Variants in LRRC51 observed in about 807,000 individuals in gnomAD.
LRRC51 encodes leucine-rich repeat-containing protein 51.
Under a neutral mutation model 17.8 loss-of-function variants are expected in LRRC51, and 8 were observed. That is an observed-to-expected ratio of 0.45 (90% CI 0.26 to 0.81). The LOEUF is 0.81. Ranked by LOEUF, LRRC51 falls within the 30% of genes least tolerant of loss-of-function variation. The pLI is 0.17. For missense variants in LRRC51, 233 were observed against 239.3 expected (o/e 0.97, Z 0.17); for synonymous variants, 92 against 96.0 (o/e 0.96, Z 0.24).
chr11:72,094,988 AC>A lies in LRRC51; in HGVS notation c.330del (p.His110GlnfsTer11), dbSNP rs2136541413. On this transcript the variant is annotated frameshift_variant, in exon 5 of 6. Coordinates refer to ENST00000289488, the MANE Select transcript of LRRC51 (RefSeq NM_145309.6). LOFTEE classifies it high-confidence loss of function. ...TTCAACCTGAGTGTCCTCTATCTTC[AC>A]GGCAACAGCATCCAGCGCCTGGGGG... is the stretch of plus-strand genomic sequence containing the variant. ...TFFNLSVLYL[H>X]GNSIQRLGEV... The A allele has an allele frequency of 6.2e-7, 1 of 1,613,874 alleles. No homozygotes were observed. Among genetic ancestry groups the A allele is most frequent in the Non-Finnish European group, 8.5e-7 (1 of 1,179,980 alleles).
Position 72,089,126 on chromosome 11 carries a change from C to G in LRRC51, c.43C>G (p.Pro15Ala). ...DYMNTSVQEP[P>A]LDYSFRSIHV... Reference sequence around the variant, plus strand: ...TATGAACACTTCGGTACAGGAGCCCCCTCTTGACTACTCCTTCAGAAGCAT... The same window carrying G: ...TATGAACACTTCGGTACAGGAGCCCGCTCTTGACTACTCCTTCAGAAGCAT... The change falls in exon 3 of 6, where the codon CCT (proline) becomes GCT (alanine). Residue 15 changes from proline to alanine, a missense_variant. Transcript: ENST00000289488. 1 of 1,614,120 alleles carries G rather than the reference C, an allele frequency of 6.2e-7. No individual in the cohort carries two copies. The highest frequency in any genetic ancestry group is 1.1e-5 in the South Asian group (1 of 91,082).
At chr11:72,091,087 C>T (rs181794186) in intron 3 of LRRC51, among the ~76,000 whole-genome samples, 1 of 152,286 alleles carries the variant, frequency 6.6e-6, no homozygotes, top group Non-Finnish European at 1.5e-5. Flanking sequence ...CAACCTGTGG[C>T]AGCCTGGATA....
chr11:72,084,503 A>T (rs527789528), intron 1 of LRRC51, among the ~76,000 whole-genome samples: 6 of 152,332 alleles, frequency 3.9e-5, no homozygotes, highest in East Asian at 1.9e-4. Context: ...TTTGAAAATT[A>T]AAAAATAGGT....
chr11:72,094,386 C>T (rs1945047270), intron 4 of LRRC51: 1 of 363,930 alleles, frequency 2.7e-6, no homozygotes, highest in African/African-American at 2.1e-5. Flanking sequence ...CCCACTGTGA[C>T]CTGTGCTGGG....
chr11:72,088,551 T>A, intron 2 of LRRC51, 171 bp downstream of exon 2: 4 of 628,938 alleles, frequency 6.4e-6, no homozygotes, highest in Non-Finnish European at 1.1e-5. Context: ...AGAGGGGTGG[T>A]GAGACACCAA....
intron 1 of LRRC51, among the ~76,000 whole-genome samples, chr11:72,081,757 C>G (rs1339304093): frequency 6.6e-6 from 1 of 152,186 alleles, no homozygotes; most frequent in African/African-American, 2.4e-5. Flanking sequence ...CCCACACCTT[C>G]TCCGTGGTCC....
rs1327718488 is a variant in LRRC51 at position 72,088,326 on chromosome 11, C to T, written c.-110C>T. ...TATTTCCATTTTAACCGGAAACAATCCCTGAACCCACAGGAATGAATGCCT... is the reference window on the plus strand; with the variant it reads ...TATTTCCATTTTAACCGGAAACAATTCCTGAACCCACAGGAATGAATGCCT... On this transcript the variant is annotated 5_prime_UTR_variant, in exon 2 of 6. Coordinates refer to ENST00000289488, the MANE Select transcript of LRRC51 (RefSeq NM_145309.6). The T allele has an allele frequency of 7.1e-6, 5 of 702,268 alleles. No individual in the cohort carries two copies. Among genetic ancestry groups the T allele is most frequent in the Non-Finnish European group, 2.6e-6 (1 of 384,810 alleles). The allele number at this position is 702,268 out of a possible 1,614,324, so 43.5% of individuals were successfully genotyped here. A position where few individuals can be genotyped will look rare whatever the true frequency, so the allele number is the denominator to read the frequency against.
rs762080699 is a variant in LRRC51, at chr11:72,093,519, A to G, written c.106A>G (p.Thr36Ala). The G allele has an allele frequency of 6.2e-7, 1 of 1,613,852 alleles. No individual in the cohort carries two copies. The highest frequency in any genetic ancestry group is 8.5e-7 in the Non-Finnish European group (1 of 1,179,884). Reference sequence around the variant, plus strand: ...AGATCTGGTAAATGAGGAGCCAAGGACAGGACTACGACCACTGAAGCGTTC... The same window carrying G: ...AGATCTGGTAAATGAGGAGCCAAGGGCAGGACTACGACCACTGAAGCGTTC... ...IQDLVNEEPR[T>A]GLRPLKRSKS... The change falls in exon 4 of 6, where the codon ACA becomes GCA. Residue 36 changes from threonine (T) to alanine (A), a missense_variant. By Grantham distance (58) the Thr-to-Ala change is moderately conservative. Transcript: ENST00000289488.
rs1160472642 is a variant in LRRC51, at chr11:72,093,501, G to A, written c.88G>A (p.Val30Ile). ...GTCTCACTTTGTCCCCACAGATCTG[G>A]TAAATGAGGAGCCAAGGACAGGACT... ...FRSIHVIQDLVNEEPRTGLRP... is the reference protein window; with the variant it reads ...FRSIHVIQDLINEEPRTGLRP... Residue 30 changes from valine to isoleucine, a missense_variant, in exon 4 of 6, where the codon GTA becomes ATA. Val to Ile is a conservative substitution (Grantham distance 29, BLOSUM62 3). Transcript: ENST00000289488. 5.0e-6 allele frequency: 8 copies of A among 1,612,460 alleles called. No homozygotes were observed. Among genetic ancestry groups the A allele is most frequent in the Non-Finnish European group, 6.8e-6 (8 of 1,179,278 alleles).
intron 3 of LRRC51, among the ~76,000 whole-genome samples, chr11:72,090,699 G>A (rs947422535): frequency 2.0e-5 from 3 of 152,152 alleles, no homozygotes; most frequent in African/African-American, 4.8e-5. Flanking sequence ...AATCTGAAAC[G>A]GCAGTGCCTT....
In LRRC51 at chr11:72,089,103, T is replaced by C. The variant is rs746394543; in HGVS notation, c.20T>C (p.Met7Thr). 6.2e-7 allele frequency: 1 copy of C among 1,614,140 alleles called. No individual in the cohort carries two copies. Among genetic ancestry groups the C allele is most frequent in the South Asian group, 1.1e-5 (1 of 91,086 alleles). The change falls in exon 3 of 6, where the codon ATG (methionine) becomes ACG (threonine). Residue 7 changes from methionine (M) to threonine (T), a missense_variant. Coordinates refer to ENST00000289488, the MANE Select transcript of LRRC51 (RefSeq NM_145309.6). MNKRDY[M>T]NTSVQEPPLD... ...TGAACTATGAACAAACGGGACTATA[T>C]GAACACTTCGGTACAGGAGCCCCCT...
chr11:72,091,290 C>G (rs565322567), intron 3 of LRRC51, among the ~76,000 whole-genome samples: 2 of 152,278 alleles, frequency 1.3e-5, no homozygotes, highest in South Asian at 2.1e-4. Context: ...CTGTGTCATT[C>G]TGTTTCAGGG....
At chr11:72,092,186 C>T (rs1015267076) in intron 3 of LRRC51, among the ~76,000 whole-genome samples, 4 of 152,158 alleles carry the variant, frequency 2.6e-5, no homozygotes, top group Non-Finnish European at 4.4e-5. Context: ...GCCTTCTATG[C>T]TAATGATTCT....
intron 3 of LRRC51, 59 bp downstream of exon 3, chr11:72,089,224 A>G: frequency 6.2e-7 from 1 of 1,611,992 alleles, no homozygotes. Flanking sequence ...TGTGGTCCCT[A>G]GGAAGAAACC....
At position 72,095,648 on chromosome 11, in the gene LRRC51, A is replaced by G. The variant is rs1945154774; in HGVS notation, c.*128A>G. The G allele has an allele frequency of 6.5e-7, 1 of 1,541,752 alleles. No homozygotes were observed. The highest frequency in any genetic ancestry group is 1.2e-5 in the South Asian group (1 of 83,194). ...GTAGAGATGTTCTCTAACTCAGGCA[A>G]CTGCAAGTAGCTCTAGCCTTTTCTT... is the stretch of plus-strand genomic sequence containing the variant. On this transcript the variant is annotated 3_prime_UTR_variant, in exon 6 of 6. Coordinates refer to ENST00000289488, the MANE Select transcript of LRRC51 (RefSeq NM_145309.6).
intron 4 of LRRC51, 94 bp from the exon 5 acceptor site, chr11:72,094,854 C>T: frequency 1.2e-6 from 2 of 1,613,780 alleles, no homozygotes; most frequent in South Asian, 2.2e-5. Flanking sequence ...AGGTTGTTCC[C>T]CACATTCTTC....
intron 3 of LRRC51, among the ~76,000 whole-genome samples, chr11:72,089,850 A>C (rs1402778115): frequency 6.6e-6 from 1 of 152,194 alleles, no homozygotes; most frequent in African/African-American, 2.4e-5. Flanking sequence ...TCAGGAGGGA[A>C]CATAGGGAGG....
At chr11:72,083,426 T>C (rs1369015245) in intron 1 of LRRC51, among the ~76,000 whole-genome samples, 2 of 152,198 alleles carry the variant, frequency 1.3e-5, no homozygotes, top group East Asian at 3.9e-4. Flanking sequence ...TCTTCAGGAA[T>C]GTCTTCCTGT....
At chr11:72,091,305 A>C (rs628025) in intron 3 of LRRC51, among the ~76,000 whole-genome samples, 142,943 of 151,928 alleles carry the variant, frequency 0.94, 67,418 homozygotes, top group Non-Finnish European at 0.98. Context: ...TCAGGGTTCT[A>C]AGGAGGTATG....
Sources: gnomAD v4.1 joint callset for allele counts (sites outside exome capture counted in the v4.1 genomes callset) on GRCh38, gnomAD v4.1.1 for gene constraint, MANE v1.5 for transcripts, NCBI Gene and HGNC (gene_info 2026-07-23, HGNC 2026-07-21) for gene names.